POLQ: variants seen among roughly 807,000 people sequenced by gnomAD.
POLQ encodes epididymis secretory sperm binding protein.
POLQ carries 233 observed loss-of-function variants against 259.2 expected under a neutral mutation model. The ratio of observed to expected loss-of-function variants is 0.90; its 90% CI spans 0.81 to 1.00. The LOEUF (loss-of-function observed/expected upper bound fraction) is 1.00, where lower values mean the gene tolerates loss of function less well. Ranked by LOEUF, POLQ falls within the 50% of genes least tolerant of loss-of-function variation. POLQ has a pLI of 0.00. For synonymous variants in POLQ, 1,025 were observed against 1,048.8 expected, an observed-to-expected ratio of 0.98 and a Z score of 0.44; for missense variants, 2,871 against 3,051.6, an observed-to-expected ratio of 0.94 and a Z score of 1.39.
chr3:121,507,029 G>T (rs2048213928), intron 12 of POLQ, among the ~76,000 whole-genome samples: 1 of 152,072 alleles, frequency 6.6e-6, no homozygotes, highest in African/African-American at 2.4e-5. Context: ...TATAAAAAAG[G>T]TGAAGGATAT....
In POLQ at chr3:121,498,464, C is replaced by A. The variant is rs376059225; in HGVS notation, c.2153+13G>T. Reference sequence around the variant, plus strand: ...TGTTAAATACCGGAGAGCCCAGAGACCTTGACGTTTACCTTTTATGGATGG... The same window carrying A: ...TGTTAAATACCGGAGAGCCCAGAGAACTTGACGTTTACCTTTTATGGATGG... On this transcript the variant is annotated intron_variant, in intron 13 of 29. Coordinates refer to ENST00000264233, the MANE Select transcript of POLQ (RefSeq NM_199420.4). 6.2e-7 allele frequency: 1 copy of A among 1,604,260 alleles called. No individual in the cohort carries two copies. The highest frequency in any genetic ancestry group is 1.3e-5 in the African/African-American group (1 of 74,674).
intron 24 of POLQ, among the ~76,000 whole-genome samples, chr3:121,465,450 A>G (rs1211312212): frequency 1.3e-5 from 2 of 152,008 alleles, no homozygotes; most frequent in Admixed American, 6.5e-5. Context: ...TTTTCAAAAC[A>G]TAAGTTTTAT....
intron 25 of POLQ, among the ~76,000 whole-genome samples, chr3:121,450,491 G>T (rs1322454489): frequency 2.0e-5 from 3 of 151,466 alleles, no homozygotes; most frequent in Non-Finnish European, 2.9e-5. Context: ...TTTATATTAG[G>T]TGTATCTCCT....
At chr3:121,493,809 T>C in intron 14 of POLQ, 88 bp from the exon 15 acceptor site, 2 of 1,286,646 alleles carry the variant, frequency 1.6e-6, no homozygotes, top group East Asian at 2.4e-5. Context: ...TTTTCTTTTG[T>C]TTTTTCCCTG....
At chr3:121,491,134 C>A (rs986154705) in intron 15 of POLQ, among the ~76,000 whole-genome samples, 6 of 151,932 alleles carry the variant, frequency 3.9e-5, no homozygotes, top group Admixed American at 2.0e-4. Context: ...GGGTAGATCA[C>A]CTGAGGTCAG....
At chr3:121,439,719 T>G (rs2047573729) in intron 27 of POLQ, among the ~76,000 whole-genome samples, 1 of 152,274 alleles carries the variant, frequency 6.6e-6, no homozygotes, top group Non-Finnish European at 1.5e-5. Flanking sequence ...GTACCTAAGC[T>G]AATAAATAAT....
At chr3:121,444,141 G>A (rs1465333603) in intron 26 of POLQ, among the ~76,000 whole-genome samples, 1 of 151,724 alleles carries the variant, frequency 6.6e-6, no homozygotes, top group African/African-American at 2.4e-5. Context: ...GAATGTCATT[G>A]GTATTTTGAT....
rs771519315 is a variant in POLQ at position 121,533,006 on chromosome 3, G to A, written c.944C>T (p.Pro315Leu). Residue 315 changes from proline to leucine, a missense_variant, in exon 6 of 30, where the codon CCC (proline) becomes CTC (leucine). By Grantham distance (98) the Pro-to-Leu change is moderately conservative. Around this residue, in one of 3 missense-constraint regions of POLQ, gnomAD observed 783 missense variants for 906.2 expected, o/e 0.86. Coordinates refer to ENST00000264233, the MANE Select transcript of POLQ (RefSeq NM_199420.4). ...TTGATTTACCTTCACTTGTAGCATG[G>A]GCTCAAATTCCCTCACAAGTTTCAT... ...SSMKLVREFE[P>L]MLQVKGDEDH... is the part of the protein sequence containing the mutation. 1.9e-6 allele frequency: 3 copies of A among 1,606,364 alleles called. No individual in the cohort carries two copies. The South Asian group carries it at 3.3e-5, about 18-fold the overall frequency.
At chr3:121,474,823 TA>T (rs1192867861) in intron 20 of POLQ, among the ~76,000 whole-genome samples, 2 of 152,234 alleles carry the variant, frequency 1.3e-5, no homozygotes, top group African/African-American at 4.8e-5. Flanking sequence ...AATGCCCAGT[TA>T]AATTTGAGTT....
At chr3:121,505,255 C>A (rs1158751667) in intron 12 of POLQ, among the ~76,000 whole-genome samples, 1 of 152,200 alleles carries the variant, frequency 6.6e-6, no homozygotes, top group Non-Finnish European at 1.5e-5. Context: ...TCCCCAGAAG[C>A]AGAAGCCACT....
chr3:121,545,147 T>C (rs573950204), intron 1 of POLQ, among the ~76,000 whole-genome samples: 35 of 152,152 alleles, frequency 2.3e-4, no homozygotes, highest in African/African-American at 7.7e-4. Context: ...CAATACACAG[T>C]AGATAAAGAG....
chr3:121,510,588 TAA>T (rs63110162), intron 10 of POLQ, among the ~76,000 whole-genome samples: 1 of 146,118 alleles, frequency 6.8e-6, no homozygotes, highest in African/African-American at 2.5e-5. Context: ...AAAAAACAAT[TAA>T]AAAAAAAAAT....
chr3:121,448,865 C>A (rs1001849509), intron 26 of POLQ, among the ~76,000 whole-genome samples: 1 of 151,988 alleles, frequency 6.6e-6, no homozygotes. Context: ...AATTATTATA[C>A]GTAAATTATA....
At chr3:121,459,400 G>A (rs932166184) in intron 25 of POLQ, among the ~76,000 whole-genome samples, 4 of 53,768 alleles carry the variant, frequency 7.4e-5, no homozygotes, top group East Asian at 1.5e-3. Flanking sequence ...TTTGTTTTTC[G>A]AGATGGAGTC....
intron 10 of POLQ, 88 bp from the exon 11 acceptor site, chr3:121,510,331 A>G (rs541747703): frequency 3.5e-6 from 3 of 854,238 alleles, no homozygotes; most frequent in Admixed American, 4.2e-5. Context: ...TAATCCCAGC[A>G]CTTTGGGAGT....
intron 19 of POLQ, among the ~76,000 whole-genome samples, chr3:121,477,377 G>C (rs1217135193): frequency 6.6e-6 from 1 of 152,044 alleles, no homozygotes; most frequent in Non-Finnish European, 1.5e-5. Context: ...ATTATCTTTA[G>C]GCTATGTCTA....
At chr3:121,461,587 G>A (rs1264071507) in intron 24 of POLQ, among the ~76,000 whole-genome samples, 3 of 151,318 alleles carry the variant, frequency 2.0e-5, no homozygotes, top group African/African-American at 7.3e-5. Context: ...GGAGTTGGAG[G>A]TTGCAGTGAG....
intron 15 of POLQ, among the ~76,000 whole-genome samples, chr3:121,492,801 AT>A (rs35516373): frequency 0.018 from 2,306 of 124,772 alleles, 57 homozygotes; most frequent in African/African-American, 0.053. Context: ...ATGCCCAGCT[AT>A]TTTTTTTTTT....
rs1212128789 is a variant in POLQ, at chr3:121,537,132, C to A, written c.708G>T (p.Lys236Asn). 1 of 1,593,220 alleles carries A rather than the reference C, an allele frequency of 6.3e-7. No homozygotes were observed. The highest frequency in any genetic ancestry group is 1.3e-5 in the African/African-American group (1 of 74,460). ...RGYLLELLLT[K>N]ICYITRKSAS... ...CTGATTTCCGAGTAATATAGCAAAT[C>A]TTGGTCAGCAAAAGTTCCAGCAGAT... Residue 236 changes from lysine (K) to asparagine (N), a missense_variant, in exon 5 of 30, where the codon AAG becomes AAT. This residue lies in a region of POLQ where 783 missense variants were observed against 906.2 expected (regional missense o/e 0.86). Coordinates refer to ENST00000264233, the MANE Select transcript of POLQ (RefSeq NM_199420.4).
Sources: gnomAD v4.1 joint callset for allele counts (sites outside exome capture counted in the v4.1 genomes callset) on GRCh38, gnomAD v4.1.1 for gene constraint, gnomAD v4.1.1 regional missense constraint, MANE v1.5 for transcripts, NCBI Gene and HGNC (gene_info 2026-07-23, HGNC 2026-07-21) for gene names.